PNPT1: variants seen among roughly 807,000 people sequenced by gnomAD.
PNPT1 encodes polyribonucleotide nucleotidyltransferase 1.
Under a neutral mutation model 119.5 loss-of-function variants are expected in PNPT1, and 53 were observed. The observed-to-expected ratio is 0.44, with a 90% confidence interval of 0.36 to 0.56. The LOEUF is 0.56. PNPT1 is among the 20% of genes least tolerant of loss of function. PNPT1 has a pLI of 0.00. For synonymous variants in PNPT1, 357 were observed against 322.1 expected (o/e 1.11, Z -1.16); for missense variants, 948 against 938.5 (o/e 1.01, Z -0.13).
chr2:55,645,069 G>T lies in PNPT1; in HGVS notation c.1822+280C>A, dbSNP rs550698797. On this transcript the variant is annotated intron_variant, in intron 22 of 27. Transcript: ENST00000447944. The stretch of plus-strand genomic sequence containing the variant: ...GACGGAGTCTCACTTTGTCGCCCAG[G>T]CTGGAGTGCAGTGGCGCGATCTCGG... 5.5e-3 allele frequency: 1,420 copies of T among 256,082 alleles called. 7 individuals carry two copies. The highest frequency in any genetic ancestry group is 7.9e-3 in the Non-Finnish European group (1,083 of 137,644). The allele number at this position is 256,082 out of a possible 1,614,324, so 15.9% of individuals were successfully genotyped here.
At chr2:55,670,160 G>A (rs1045474028) in intron 11 of PNPT1, among the ~76,000 whole-genome samples, 2 of 151,626 alleles carry the variant, frequency 1.3e-5, no homozygotes, top group Non-Finnish European at 2.9e-5. Context: ...GTTTGTGTGA[G>A]GTTGGTATTA....
intron 3 of PNPT1, among the ~76,000 whole-genome samples, chr2:55,685,815 G>A (rs1415158368): frequency 6.6e-6 from 1 of 152,124 alleles, no homozygotes; most frequent in Non-Finnish European, 1.5e-5. Flanking sequence ...AAACACCATA[G>A]TATTTGTTTA....
chr2:55,672,062 A>C lies in PNPT1; in HGVS notation c.867-16T>G. 3 of 1,567,794 alleles carry C rather than the reference A, an allele frequency of 1.9e-6. No homozygotes were observed. The highest frequency in any genetic ancestry group is 2.6e-6 in the Non-Finnish European group (3 of 1,153,076). Reference sequence around the variant, plus strand: ...CATAGCAAGTCTATTTAAGCAGAAAATAAATGTTAGCATAATAATATCTGG... The same window carrying C: ...CATAGCAAGTCTATTTAAGCAGAAACTAAATGTTAGCATAATAATATCTGG... On this transcript the variant is annotated splice_polypyrimidine_tract_variant and intron_variant, in intron 9 of 27. Coordinates refer to ENST00000447944, the MANE Select transcript of PNPT1 (RefSeq NM_033109.5).
At chr2:55,690,797 C>T (rs1238514600) in intron 1 of PNPT1, among the ~76,000 whole-genome samples, 1 of 151,986 alleles carries the variant, frequency 6.6e-6, no homozygotes, top group African/African-American at 2.4e-5. Flanking sequence ...AAATGGGTCT[C>T]CTGTGACTAA....
chr2:55,651,885 C>CAAAAAAA, intron 18 of PNPT1, among the ~76,000 whole-genome samples: 15 of 119,756 alleles, frequency 1.3e-4, no homozygotes, highest in Non-Finnish European at 1.7e-4. Flanking sequence ...AAAGGAAAGT[C>CAAAAAAA]AAAAAAAAAA....
intron 1 of PNPT1, among the ~76,000 whole-genome samples, chr2:55,691,848 T>TTATATATATATA (rs869195974): frequency 1.4e-3 from 124 of 87,042 alleles, no homozygotes; most frequent in South Asian, 2.2e-3. Context: ...TTAAAAATGT[T>TTATATATATATA]TATATATATA....
intron 15 of PNPT1, among the ~76,000 whole-genome samples, chr2:55,658,562 A>G (rs1162289781): frequency 1.3e-5 from 2 of 152,166 alleles, no homozygotes; most frequent in Non-Finnish European, 2.9e-5. Flanking sequence ...CAAAAATAAA[A>G]TATGGCAATA....
At chr2:55,646,121 C>T in intron 21 of PNPT1, 138 bp downstream of exon 21, 3 of 841,264 alleles carry the variant, frequency 3.6e-6, no homozygotes, top group Middle Eastern at 3.6e-4. Flanking sequence ...AGCCACCACA[C>T]CTGGCCAGTA....
intron 13 of PNPT1, among the ~76,000 whole-genome samples, chr2:55,664,017 A>C (rs1696659904): frequency 1.3e-5 from 2 of 152,174 alleles, no homozygotes; most frequent in East Asian, 3.9e-4. Flanking sequence ...GGATGATATT[A>C]AAGGAAGTCT....
chr2:55,676,262 CA>C lies in PNPT1; in HGVS notation c.680-3184del, dbSNP rs11400030. 4.5e-3 allele frequency among the ~76,000 whole-genome samples: 370 copies of C among 82,818 alleles called. 3 individuals are homozygous for C. Among genetic ancestry groups the C allele is most frequent in the Middle Eastern group, 0.021 (2 of 96 alleles). 54.3% of individuals were successfully genotyped at this position (82,818 alleles called of 152,430 possible). ...CGACAGAGTAAGACTCCATCTCAAC[CA>C]AAAAAAAAAAAAAAAAAAAAAGAAG... On this transcript the variant is annotated intron_variant, in intron 8 of 27. Transcript: ENST00000447944.
chr2:55,688,942 A>G (rs1697506802), intron 1 of PNPT1, among the ~76,000 whole-genome samples: 1 of 152,222 alleles, frequency 6.6e-6, no homozygotes, highest in Non-Finnish European at 1.5e-5. Flanking sequence ...ATGAATCTTC[A>G]TAAATTAAGT....
chr2:55,635,952 A>T lies in PNPT1; in HGVS notation c.*285T>A. ...CATATTCTATCTAAGTTTTTCATAT[A>T]TTTCAGAATTGTAAAAACAAAACTA... On this transcript the variant is annotated 3_prime_UTR_variant, in exon 28 of 28. Coordinates refer to ENST00000447944, the MANE Select transcript of PNPT1 (RefSeq NM_033109.5). 1 of 174,086 alleles carries T rather than the reference A, an allele frequency of 5.7e-6. No individual in the cohort carries two copies. Among genetic ancestry groups the T allele is most frequent in the African/African-American group, 2.4e-5 (1 of 41,410 alleles). The allele number at this position is 174,086 out of a possible 1,614,324, so 10.8% of individuals were successfully genotyped here.
At chr2:55,686,902 G>A (rs1464542754) in intron 2 of PNPT1, among the ~76,000 whole-genome samples, 4 of 152,132 alleles carry the variant, frequency 2.6e-5, no homozygotes, top group Non-Finnish European at 5.9e-5. Context: ...GGGCAAGGCA[G>A]GTGGATCACG....
At chr2:55,674,910 G>C (rs1029108715) in intron 8 of PNPT1, among the ~76,000 whole-genome samples, 3 of 152,194 alleles carry the variant, frequency 2.0e-5, no homozygotes, top group Non-Finnish European at 4.4e-5. Flanking sequence ...TTAATCCGGA[G>C]ATTTTTAAAA....
chr2:55,638,250 T>C (rs553910578), intron 26 of PNPT1, among the ~76,000 whole-genome samples: 2 of 149,392 alleles, frequency 1.3e-5, no homozygotes, highest in East Asian at 2.0e-4. Context: ...TGCAGTAAGC[T>C]GAGATTATGC....
At chr2:55,686,153 C>T (rs953567167) in intron 3 of PNPT1, among the ~76,000 whole-genome samples, 8 of 152,178 alleles carry the variant, frequency 5.3e-5, no homozygotes, top group East Asian at 1.9e-4. Flanking sequence ...TGTCAACTTA[C>T]GCACCTGGAC....
Position 55,656,387 on chromosome 2 carries a change from A to T in PNPT1, c.1285-16T>A. 9 of 1,559,004 alleles carry T rather than the reference A, an allele frequency of 5.8e-6. No individual in the cohort carries two copies. Among genetic ancestry groups the T allele is most frequent in the Non-Finnish European group, 7.9e-6 (9 of 1,145,398 alleles). ...AAGGAGGAAACTTAAAAAAAAAAAA[A>T]CACAAACACACATATACAATTGACA... On this transcript the variant is annotated splice_polypyrimidine_tract_variant and intron_variant, in intron 15 of 27. Coordinates refer to ENST00000447944, the MANE Select transcript of PNPT1 (RefSeq NM_033109.5).
chr2:55,675,792 C>T (rs1697048642), intron 8 of PNPT1, among the ~76,000 whole-genome samples: 1 of 152,182 alleles, frequency 6.6e-6, no homozygotes, highest in Non-Finnish European at 1.5e-5. Context: ...TGGCTACTTG[C>T]ATTTAAATTA....
intron 8 of PNPT1, among the ~76,000 whole-genome samples, chr2:55,676,526 C>T (rs62165231): frequency 0.052 from 7,915 of 152,254 alleles, 285 homozygotes; most frequent in Middle Eastern, 0.092. Flanking sequence ...CAGCTGACAG[C>T]ATGGAGTAAC....
Sources: allele counts gnomAD v4.1 joint callset (sites outside exome capture counted in the v4.1 genomes callset), GRCh38; gene constraint gnomAD v4.1.1; transcripts MANE v1.5; gene names NCBI Gene and HGNC (gene_info 2026-07-23, HGNC 2026-07-21).